The following APOO variants were observed in gnomAD, a reference collection of about 807,000 sequenced individuals.
APOO encodes MICOS complex subunit MIC26.
A neutral mutation model predicts 23.1 loss-of-function variants in APOO; 11 were observed. The observed-to-expected ratio is 0.48, with a 90% CI of 0.30 to 0.79. The LOEUF (loss-of-function observed/expected upper bound fraction) is 0.79. Ranked by LOEUF, APOO falls within the 30% of genes least tolerant of loss-of-function variation. The pLI, the probability that APOO is intolerant of heterozygous loss-of-function variation, is 0.07. For missense variants in APOO, 160 were observed against 142.7 expected, an observed-to-expected ratio of 1.12 and a Z score of -0.62; for synonymous variants, 59 against 54.8, an observed-to-expected ratio of 1.08 and a Z score of -0.34.
intron 1 of APOO, among the ~76,000 whole-genome samples, chrX:23,894,656 C>A (rs1926819823): frequency 1.8e-5 from 2 of 109,624 alleles, no homozygotes; most frequent in South Asian, 7.9e-4. Flanking sequence ...ATTAGCCAGG[C>A]ATGGTGGAGT....
At chrX:23,873,943 A>G (rs1279626068) in intron 4 of APOO, among the ~76,000 whole-genome samples, 2 of 111,651 alleles carry the variant, frequency 1.8e-5, no homozygotes, top group Admixed American at 9.6e-5. Flanking sequence ...CAAGGAAAAT[A>G]AAACCAAATG....
chrX:23,891,694 A>C (rs1967178111), intron 1 of APOO, among the ~76,000 whole-genome samples: 2 of 111,103 alleles, frequency 1.8e-5, no homozygotes, highest in Middle Eastern at 4.6e-3. Context: ...CTATATCCAA[A>C]GGTGACCTTT....
Position 23,868,613 on chromosome X carries a change from A to G in APOO, c.368T>C (p.Ile123Thr), listed in dbSNP as rs1925448082. Residue 123 changes from isoleucine to threonine, a missense_variant, in exon 5 of 9, where the codon ATT becomes ACT. Coordinates refer to ENST00000379226, the MANE Select transcript of APOO (RefSeq NM_024122.5). ...RLGVIGFAGL[I>T]GLLLARGSKI... ...CCTACCTCTAGCCAAAAGGAGTCCA[A>G]TAAGGCCAGCAAAACCAATAACACC... 2 of 1,209,035 alleles carry G rather than the reference A, an allele frequency of 1.7e-6. No individual in the cohort carries two copies. The highest frequency in any genetic ancestry group is 2.2e-6 in the Non-Finnish European group (2 of 894,532).
At chrX:23,840,008 C>G (rs1409229578) in intron 8 of APOO, 3 of 141,168 alleles carry the variant, frequency 2.1e-5, no homozygotes, top group African/African-American at 9.6e-5. Context: ...AGTGTACTTA[C>G]TATAATAAAG....
At chrX:23,889,736 C>T (rs1288505311) in intron 1 of APOO, among the ~76,000 whole-genome samples, 1 of 101,573 alleles carries the variant, frequency 9.8e-6, no homozygotes, top group Non-Finnish European at 2.0e-5. Flanking sequence ...GATCTTGGCT[C>T]ACTGCAAGCT....
chrX:23,851,077 A>T (rs1201957187), intron 7 of APOO, among the ~76,000 whole-genome samples: 3 of 111,671 alleles, frequency 2.7e-5, no homozygotes, highest in Non-Finnish European at 5.6e-5. Context: ...ATATATGGTT[A>T]AACTGGAAGA....
chrX:23,842,003 T>C (rs1380653953), intron 7 of APOO, among the ~76,000 whole-genome samples: 2 of 111,521 alleles, frequency 1.8e-5, no homozygotes, highest in African/African-American at 6.5e-5. Context: ...ATTATTTCTT[T>C]CATGTTTGAG....
At chrX:23,895,293 T>C (rs1379213699) in intron 1 of APOO, among the ~76,000 whole-genome samples, 3 of 112,091 alleles carry the variant, frequency 2.7e-5, no homozygotes, top group African/African-American at 9.7e-5. Flanking sequence ...AAAGAAAATG[T>C]GGCACATATA....
intron 5 of APOO, among the ~76,000 whole-genome samples, chrX:23,862,046 C>T (rs1011750837): frequency 9.1e-5 from 10 of 110,158 alleles, no homozygotes; most frequent in African/African-American, 2.6e-4. Flanking sequence ...TCAGGTGATC[C>T]GCCTGCCTCA....
chrX:23,835,334 A>T (rs1302051155), intron 8 of APOO, among the ~76,000 whole-genome samples: 1 of 111,755 alleles, frequency 8.9e-6, no homozygotes, highest in Non-Finnish European at 1.9e-5. Flanking sequence ...AAGTGCTGGG[A>T]TTACAGGTAT....
rs771371263 is a variant in APOO, at chrX:23,880,911, G to A, written c.51C>T (p.Leu17=). Residue 17 remains leucine (L), a synonymous_variant, in exon 2 of 9, where the codon CTC becomes CTT. Transcript: ENST00000379226. The stretch of plus-strand genomic sequence containing the variant: ...TTGGTGCTGCATAGACTTTGAAGGT[G>A]AGCAAGCTCAGGCTGGCTGGCCCCA... The part of the protein sequence containing the change: ...RSVGPASLSL[L]TFKVYAAPKK... The A allele has an allele frequency of 8.4e-7, 1 of 1,190,288 alleles. No homozygotes were observed. Among genetic ancestry groups the A allele is most frequent in the Non-Finnish European group, 1.1e-6 (1 of 886,553 alleles).
intron 1 of APOO, among the ~76,000 whole-genome samples, chrX:23,904,504 GTTTTT>G (rs143167112): frequency 1.9e-5 from 1 of 53,220 alleles, no homozygotes; most frequent in Non-Finnish European, 3.8e-5. Context: ...GATGACACTG[GTTTTT>G]TTTTTTTTTT....
intron 7 of APOO, among the ~76,000 whole-genome samples, chrX:23,854,323 C>T (rs1035808404): frequency 9.8e-5 from 11 of 111,683 alleles, no homozygotes; most frequent in African/African-American, 3.2e-4. Flanking sequence ...GCACAGACAC[C>T]ACAGTGAGCA....
intron 7 of APOO, among the ~76,000 whole-genome samples, chrX:23,850,730 G>A (rs762428475): frequency 2.7e-5 from 3 of 111,718 alleles, no homozygotes; most frequent in Non-Finnish European, 5.6e-5. Flanking sequence ...TGGAGGCTGA[G>A]GCAGGAGAAT....
intron 1 of APOO, among the ~76,000 whole-genome samples, chrX:23,881,705 CGGGTGGGT>C (rs1471178724): frequency 1.0e-5 from 1 of 100,489 alleles, no homozygotes; most frequent in African/African-American, 3.7e-5. Flanking sequence ...AAGGCAGAGG[CGGGTGGGT>C]GGATCACCAG....
Position 23,835,305 on chromosome X carries a change from C to T in APOO, c.*30-1693G>A, listed in dbSNP as rs367848893. 2.8e-4 allele frequency among the ~76,000 whole-genome samples: 30 copies of T among 108,780 alleles called. No homozygotes were observed. In the East Asian group the frequency reaches 2.9e-3, roughly 11 times the overall value. 94.5% of individuals were successfully genotyped at this position (108,780 alleles called of 115,157 possible). ...CTCGAACTCCTGACCTGAGGTGATT[C>T]ACCCGCCTCAGCCTCCCAAAGTGCT... is the stretch of plus-strand genomic sequence containing the variant. On this transcript the variant is annotated intron_variant, in intron 8 of 8. Transcript: ENST00000379226.
At chrX:23,891,797 CCTT>C (rs1201981593) in intron 1 of APOO, among the ~76,000 whole-genome samples, 1 of 108,850 alleles carries the variant, frequency 9.2e-6, no homozygotes, top group Non-Finnish European at 1.9e-5. Context: ...AGTATCTTAC[CCTT>C]CTACCAAGTT....
chrX:23,861,571 A>G (rs1925033444), intron 5 of APOO, among the ~76,000 whole-genome samples: 1 of 108,421 alleles, frequency 9.2e-6, no homozygotes, highest in Non-Finnish European at 1.9e-5. Flanking sequence ...AAAAAAAAAA[A>G]AAAAAAAAAA....
chrX:23,861,045 C>T (rs1925000557), intron 5 of APOO, among the ~76,000 whole-genome samples: 1 of 110,384 alleles, frequency 9.1e-6, no homozygotes, highest in South Asian at 3.9e-4. Flanking sequence ...GAGGCTGAGG[C>T]TGGAGGATTG....
Sources: allele counts gnomAD v4.1 joint callset (sites outside exome capture counted in the v4.1 genomes callset), GRCh38; gene constraint gnomAD v4.1.1; transcripts MANE v1.5; gene names NCBI Gene and HGNC (gene_info 2026-07-23, HGNC 2026-07-21).